The following RANBP2 variants were observed in gnomAD, a reference collection of about 807,000 sequenced individuals.
RANBP2 encodes the protein E3 SUMO-protein ligase RanBP2.
A neutral mutation model predicts 303.6 loss-of-function variants in RANBP2; 57 were observed. That is an observed-to-expected ratio of 0.19 (90% CI 0.15 to 0.23). The LOEUF (loss-of-function observed/expected upper bound fraction) is 0.23. Among genes scored for constraint, RANBP2 ranks in the 10% least tolerant of loss-of-function variants. RANBP2 has a pLI of 1.00. For missense variants in RANBP2, 3,138 were observed against 3,780.8 expected (o/e 0.83, Z 4.46); for synonymous variants, 1,167 against 1,301.5 (o/e 0.90, Z 2.23).
At chr2:108,870,345 C>G in the RANBP2 span, among the ~76,000 whole-genome samples, 1 of 152,132 alleles carries the variant, frequency 6.6e-6, no homozygotes, top group Non-Finnish European at 1.5e-5. Context: ...GAAAAGTGAA[C>G]AGAGTCTGAA....
At chr2:109,224,599 TG>T in the RANBP2 span, among the ~76,000 whole-genome samples, 1 of 152,242 alleles carries the variant, frequency 6.6e-6, no homozygotes, top group Non-Finnish European at 1.5e-5. Flanking sequence ...GGCTCACACC[TG>T]TAATCCCGGC....
chr2:108,927,096 ACACAG>A, the RANBP2 span, among the ~76,000 whole-genome samples: 1 of 152,202 alleles, frequency 6.6e-6, no homozygotes, highest in African/African-American at 2.4e-5. Flanking sequence ...CTTTGAGCAG[ACACAG>A]CACATCATGG....
the RANBP2 span, among the ~76,000 whole-genome samples, chr2:108,800,803 G>T: frequency 3.8e-5 from 4 of 105,470 alleles, no homozygotes; most frequent in Non-Finnish European, 5.6e-5. Flanking sequence ...ACAGTCCCCA[G>T]AGTGTGATAT....
the RANBP2 span, among the ~76,000 whole-genome samples, chr2:109,249,087 C>T: frequency 6.6e-6 from 1 of 152,126 alleles, no homozygotes; most frequent in Admixed American, 6.5e-5. Flanking sequence ...CACTATGTTG[C>T]CTAGGCTGGT....
the RANBP2 span, among the ~76,000 whole-genome samples, chr2:109,265,951 T>C: frequency 1.3e-5 from 2 of 152,136 alleles, no homozygotes; most frequent in Non-Finnish European, 2.9e-5. Flanking sequence ...CACCGAGCCC[T>C]GGAGAAATCC....
the RANBP2 span, among the ~76,000 whole-genome samples, chr2:109,267,860 G>T: frequency 6.6e-6 from 1 of 152,166 alleles, no homozygotes; most frequent in African/African-American, 2.4e-5. Flanking sequence ...CTGGACAGAG[G>T]TTGCTTGGGA....
At chr2:108,850,126 C>T in the RANBP2 span, among the ~76,000 whole-genome samples, 3 of 152,076 alleles carry the variant, frequency 2.0e-5, no homozygotes, top group African/African-American at 7.2e-5. Flanking sequence ...TATCCTTTAT[C>T]GTTAAATATA....
chr2:109,072,565 A>G, the RANBP2 span, among the ~76,000 whole-genome samples: 3 of 152,278 alleles, frequency 2.0e-5, no homozygotes, highest in South Asian at 4.2e-4. Context: ...CCTCTAAACC[A>G]TCTGTGTCAA....
the RANBP2 span, among the ~76,000 whole-genome samples, chr2:109,416,019 T>C: frequency 0.72 from 108,835 of 152,110 alleles, 40,460 homozygotes; most frequent in African/African-American, 0.91. Flanking sequence ...CCTCGTCATG[T>C]GATGCTCTGC....
At chr2:109,026,366 C>T in the RANBP2 span, among the ~76,000 whole-genome samples, 1 of 148,948 alleles carries the variant, frequency 6.7e-6, no homozygotes, top group Non-Finnish European at 1.5e-5. Context: ...TAGGCTCAAG[C>T]GATCTTCCTG....
chr2:108,739,080 A>G (rs1233332941), intron 6 of RANBP2, among the ~76,000 whole-genome samples: 1 of 152,148 alleles, frequency 6.6e-6, no homozygotes, highest in East Asian at 1.9e-4. Flanking sequence ...TTCAGTCTGT[A>G]AAACTATTAC....
At chr2:109,083,731 G>C in the RANBP2 span, among the ~76,000 whole-genome samples, 1 of 152,128 alleles carries the variant, frequency 6.6e-6, no homozygotes, top group Non-Finnish European at 1.5e-5. Flanking sequence ...CCACCATCCT[G>C]TTTTCTGCCG....
At chr2:109,318,342 C>T in the RANBP2 span, among the ~76,000 whole-genome samples, 2 of 152,028 alleles carry the variant, frequency 1.3e-5, no homozygotes, top group African/African-American at 2.4e-5. Context: ...AGCCCGGTCC[C>T]CAGTGCTTGT....
chr2:108,962,710 G>A, the RANBP2 span, among the ~76,000 whole-genome samples: 1 of 148,826 alleles, frequency 6.7e-6, no homozygotes, highest in African/African-American at 2.5e-5. Flanking sequence ...AAGAGAGAAA[G>A]GAATGCAATT....
At chr2:108,787,668 T>A (rs755239728), downstream of RANBP2, among the ~76,000 whole-genome samples, 5 of 152,218 alleles carry the variant, frequency 3.3e-5, no homozygotes, top group Non-Finnish European at 7.3e-5. Flanking sequence ...TTTTGTTGCC[T>A]TTAATCTGGA....
rs776188604 is a variant in RANBP2, at chr2:108,771,866, A to G, written c.8015A>G (p.Glu2672Gly). The part of the protein sequence containing the change: ...NRPDYVSEEE[E>G]DDEDFETAVK... ...CCAGATTATGTTAGTGAAGAAGAGGAGGATGGTAAAACTTTTGTTATTTCA... is the reference window on the plus strand; with the variant it reads ...CCAGATTATGTTAGTGAAGAAGAGGGGGATGGTAAAACTTTTGTTATTTCA... The change falls in exon 21 of 29, where the codon GAG becomes GGG. Residue 2672 changes from glutamate (E) to glycine (G), a missense_variant. Transcript: ENST00000283195. 6.8e-6 allele frequency: 11 copies of G among 1,613,972 alleles called. No homozygotes were observed. In the South Asian group the frequency reaches 1.1e-4, roughly 16 times the overall value.
At position 108,763,434 on chromosome 2, in the gene RANBP2, T is replaced by C. The variant is rs140434238; in HGVS notation, c.2895T>C (p.Asn965=). 432 of 1,613,908 alleles carry C rather than the reference T, an allele frequency of 2.7e-4. No individual in the cohort carries two copies. Among genetic ancestry groups the C allele is most frequent in the Non-Finnish European group, 3.4e-4 (404 of 1,179,986 alleles). Residue 965 remains asparagine, a synonymous_variant, in exon 20 of 29, where the codon AAT becomes AAC. Coordinates refer to ENST00000283195, the MANE Select transcript of RANBP2 (RefSeq NM_006267.5). ...GGGGTGATGATTACTTTAATTACAA[T>C]GTTCAACAGACAAGCACAAATCCAC... ...SPRGDDYFNY[N]VQQTSTNPPL...
the RANBP2 span, chr2:109,313,721 A>G: frequency 6.5e-6 from 1 of 154,972 alleles, no homozygotes; most frequent in Non-Finnish European, 1.5e-5. Context: ...AGGTGATGGC[A>G]TGTGCCTTGA....
chr2:108,808,514 C>G, the RANBP2 span, among the ~76,000 whole-genome samples: 1 of 152,130 alleles, frequency 6.6e-6, no homozygotes, highest in East Asian at 1.9e-4. Flanking sequence ...CACATCCTCA[C>G]CAACGTTTAT....
Sources: gnomAD v4.1 joint callset for allele counts (sites outside exome capture counted in the v4.1 genomes callset) on GRCh38, gnomAD v4.1.1 for gene constraint, MANE v1.5 for transcripts, NCBI Gene and HGNC (gene_info 2026-07-23, HGNC 2026-07-21) for gene names.